The following STOX2 variants were observed in gnomAD, a reference collection of about 807,000 sequenced individuals.
The protein encoded by STOX2 is storkhead box 2, also known as storkhead-box protein 2.
A neutral mutation model predicts 60.9 loss-of-function variants in STOX2; 28 were observed. The ratio of observed to expected loss-of-function variants is 0.46; its 90% CI spans 0.34 to 0.63. The LOEUF is 0.63. Among genes scored for constraint, STOX2 ranks in the 30% least tolerant of loss-of-function variants. STOX2 has a pLI of 0.01. For missense variants in STOX2, 1,024 were observed against 1,187.7 expected (o/e 0.86, Z 2.03); for synonymous variants, 472 against 463.9 (o/e 1.02, Z -0.22).
rs1739721840 is a variant in STOX2, at chr4:183,836,792, G to T, written c.364+38737G>T. The stretch of plus-strand genomic sequence containing the variant: ...TCTGATATTGGAAATCTCCTAGTTG[G>T]CTCAGTGGAACTACAAAACTTCACT... On this transcript the variant is annotated intron_variant, in intron 1 of 2. Coordinates refer to the STOX2 transcript ENST00000513034. The surrounding 1 kb of genome is among the most constrained non-coding windows in gnomAD (Gnocchi z 4.1). 6.6e-6 allele frequency among the ~76,000 whole-genome samples: 1 copy of T among 152,192 alleles called. No homozygotes were observed. The highest frequency in any genetic ancestry group is 1.5e-5 in the Non-Finnish European group (1 of 68,042).
intron 1 of STOX2, among the ~76,000 whole-genome samples, chr4:183,963,816 C>T (rs192977260): frequency 0.013 from 1,946 of 150,880 alleles, 50 homozygotes; most frequent in African/African-American, 0.046. Context: ...CGCTCTGTCA[C>T]CCAGGCTGGA....
intron 1 of STOX2, chr4:183,853,657 A>G (rs186927121): frequency 6.6e-6 from 1 of 152,358 alleles, no homozygotes; most frequent in Admixed American, 6.5e-5. Flanking sequence ...TGAATGTAAT[A>G]AAATGTTGAC....
intron 1 of STOX2, among the ~76,000 whole-genome samples, chr4:183,925,868 G>A (rs1307995863): frequency 6.6e-6 from 1 of 151,874 alleles, no homozygotes; most frequent in African/African-American, 2.4e-5. Flanking sequence ...GCTCCTTTTA[G>A]TATTTGAAAA....
intron 1 of STOX2, among the ~76,000 whole-genome samples, chr4:183,838,248 A>T (rs184385499): frequency 0.012 from 1,778 of 150,038 alleles, 36 homozygotes; most frequent in Admixed American, 0.06. Context: ...TATATTGAAA[A>T]ACTTAAATAA....
rs573930376 is a variant in STOX2 at position 184,009,636 on chromosome 4, C to A, written c.798C>A (p.Phe266Leu). 5 of 1,613,852 alleles carry A rather than the reference C, an allele frequency of 3.1e-6. No individual in the cohort carries two copies. Among genetic ancestry groups the A allele is most frequent in the East Asian group, 2.2e-5 (1 of 44,890 alleles). The change falls in exon 3 of 4, where the codon TTC becomes TTA. Residue 266 changes from phenylalanine to leucine, a missense_variant. Phe to Leu is a conservative substitution (Grantham distance 22). This residue lies in a region of STOX2 where 922 missense variants were observed against 1,058.3 expected (regional missense o/e 0.87). Coordinates refer to ENST00000308497, the MANE Select transcript of STOX2 (RefSeq NM_020225.3). The surrounding 1 kb of genome is among the most constrained non-coding windows in gnomAD (Gnocchi z 4.0). ...ATAGTGAAAAGCAGTCAAAAAAATT[C>A]GGGCTAAAGTTATTCCGGTTAAGTT... ...PKDSEKQSKK[F>L]GLKLFRLSFK...
In STOX2 at chr4:184,019,722, C is replaced by T. The variant is rs1487169477; in HGVS notation, c.*2438C>T. 2 of 152,148 alleles carry T rather than the reference C, an allele frequency of 1.3e-5. No homozygotes were observed. The highest frequency in any genetic ancestry group is 2.9e-5 in the Non-Finnish European group (2 of 68,020). The allele number at this position is 152,148 out of a possible 1,614,324, so 9.4% of individuals were successfully genotyped here. On this transcript the variant is annotated 3_prime_UTR_variant, in exon 4 of 4. Coordinates refer to ENST00000308497, the MANE Select transcript of STOX2 (RefSeq NM_020225.3). ...CAGCCATTAGTGTAGAAATGATGGA[C>T]TTTAAAGGTGATACCATGTAAGCAG...
intron 1 of STOX2, among the ~76,000 whole-genome samples, chr4:183,997,718 G>A (rs1281625134): frequency 6.6e-6 from 1 of 152,170 alleles, no homozygotes; most frequent in Non-Finnish European, 1.5e-5. Flanking sequence ...TGGGAAAGGA[G>A]TTGAAAGTAA....
chr4:184,016,809 G>A (rs992148103), intron 3 of STOX2, among the ~76,000 whole-genome samples: 7 of 152,070 alleles, frequency 4.6e-5, no homozygotes, highest in African/African-American at 1.7e-4. Flanking sequence ...AAGTCGTTTC[G>A]TTGAGTGTGA....
intron 1 of STOX2, among the ~76,000 whole-genome samples, chr4:183,896,811 A>C (rs2111069218): frequency 6.6e-6 from 1 of 152,370 alleles, no homozygotes; most frequent in East Asian, 1.9e-4. Flanking sequence ...TACTTTAAGG[A>C]GGTGTTCAAC....
At chr4:183,822,832 CTCT>C (rs2111112152) in intron 1 of STOX2, among the ~76,000 whole-genome samples, 1 of 152,322 alleles carries the variant, frequency 6.6e-6, no homozygotes, top group East Asian at 1.9e-4. Flanking sequence ...CTCAGTGAGG[CTCT>C]TCTTATCTCT....
chr4:183,992,232 G>A (rs1056854911), intron 1 of STOX2, among the ~76,000 whole-genome samples: 1 of 152,194 alleles, frequency 6.6e-6, no homozygotes, highest in African/African-American at 2.4e-5. Flanking sequence ...GTCCATATTT[G>A]TAGTTTATTT....
chr4:183,967,597 C>T (rs1158421784), intron 1 of STOX2, among the ~76,000 whole-genome samples: 8 of 152,192 alleles, frequency 5.3e-5, no homozygotes, highest in Non-Finnish European at 4.4e-5. Flanking sequence ...TGTTTGGGAC[C>T]GGAGATGTAC....
intron 1 of STOX2, among the ~76,000 whole-genome samples, chr4:183,824,755 C>G (rs943532370): frequency 6.6e-6 from 1 of 152,144 alleles, no homozygotes; most frequent in Non-Finnish European, 1.5e-5. Context: ...TGCACCAATA[C>G]TAGGCGCCAT....
At position 184,021,145 on chromosome 4, in the gene STOX2, A is replaced by G. The variant is rs1734572282; in HGVS notation, c.*3861A>G. 1 of 152,244 alleles carries G rather than the reference A, an allele frequency of 6.6e-6. No individual in the cohort carries two copies. 9.4% of individuals were successfully genotyped at this position (152,244 alleles called of 1,614,324 possible). A position where few individuals can be genotyped will look rare whatever the true frequency, so the allele number is the denominator to read the frequency against. On this transcript the variant is annotated 3_prime_UTR_variant, in exon 4 of 4. Transcript: ENST00000308497. ...GTATTTGGAGCTTCATTTAAAAACC[A>G]ACAACAACCGATAATGACTTTGCAC...
chr4:183,870,445 A>G (rs1468651500), intron 1 of STOX2, among the ~76,000 whole-genome samples: 3 of 152,204 alleles, frequency 2.0e-5, no homozygotes, highest in Non-Finnish European at 2.9e-5. Flanking sequence ...TTGCACTTTT[A>G]GTCATTTCAC....
intron 1 of STOX2, among the ~76,000 whole-genome samples, chr4:183,936,642 T>A (rs1341611563): frequency 6.6e-6 from 1 of 152,218 alleles, no homozygotes; most frequent in Non-Finnish European, 1.5e-5. Context: ...AATAATTTTT[T>A]AAAAACTAAG....
At chr4:183,852,496 T>G (rs1740176165) in intron 1 of STOX2, among the ~76,000 whole-genome samples, 1 of 110,566 alleles carries the variant, frequency 9.0e-6, no homozygotes, top group Admixed American at 8.9e-5. Flanking sequence ...AGGGAAAGGA[T>G]GAGGGAAAGG....
intron 2 of STOX2, among the ~76,000 whole-genome samples, chr4:184,007,188 C>A (rs1733908845): frequency 6.6e-6 from 1 of 152,006 alleles, no homozygotes; most frequent in South Asian, 2.1e-4. Context: ...ACAATGCTAC[C>A]TTTTCCGCCT....
chr4:183,801,334 G>A (rs573248272), intron 1 of STOX2, among the ~76,000 whole-genome samples: 5 of 152,320 alleles, frequency 3.3e-5, no homozygotes, highest in Non-Finnish European at 5.9e-5. Flanking sequence ...CAGGATGCTG[G>A]TAATGTTTTA....
Sources: allele counts gnomAD v4.1 joint callset (sites outside exome capture counted in the v4.1 genomes callset), GRCh38; gene constraint gnomAD v4.1.1; regional missense constraint gnomAD v4.1.1; non-coding constraint Gnocchi (gnomAD v3.1); transcripts MANE v1.5; gene names NCBI Gene and HGNC (gene_info 2026-07-23, HGNC 2026-07-21).